Variants in DLG2 observed in about 807,000 individuals in gnomAD.
DLG2 encodes discs large MAGUK scaffold protein 2, also known as disks large homolog 2.
DLG2 carries 45 observed loss-of-function variants against 132.5 expected under a neutral mutation model. The observed-to-expected ratio is 0.34, with a 90% CI of 0.27 to 0.44. The LOEUF is 0.44. DLG2 is among the 20% of genes least tolerant of loss of function. The pLI is 1.00. For missense variants in DLG2, 1,045 were observed against 1,196.9 expected, an observed-to-expected ratio of 0.87 and a Z score of 1.87; for synonymous variants, 424 against 419.6, an observed-to-expected ratio of 1.01 and a Z score of -0.13.
intron 6 of DLG2, among the ~76,000 whole-genome samples, chr11:84,601,305 T>C (rs1249845679): frequency 6.6e-6 from 1 of 152,074 alleles, no homozygotes; most frequent in African/African-American, 2.4e-5. Context: ...TTTCCAATAA[T>C]AAAGATAGGC....
At chr11:83,992,158 T>C (rs542950527) in intron 11 of DLG2, among the ~76,000 whole-genome samples, 38 of 152,326 alleles carry the variant, frequency 2.5e-4, no homozygotes, top group African/African-American at 8.4e-4. Flanking sequence ...TTTCTTCCTC[T>C]ATTTAACTCA....
Position 84,802,238 on chromosome 11 carries a change from G to T in DLG2, c.358-267507C>A, listed in dbSNP as rs532344273. Among the ~76,000 whole-genome samples the T allele has an allele frequency of 1.4e-4, 22 of 151,938 alleles. No homozygotes were observed. In the East Asian group the frequency reaches 3.5e-3, roughly 24 times the overall value. ...TCTCTGTGTCCATAGGGTCCTCAAA[G>T]AAAATAATAGGAAATTATGGATAGG... is the stretch of plus-strand genomic sequence containing the variant. On this transcript the variant is annotated intron_variant, in intron 6 of 27. Coordinates refer to ENST00000376104, the MANE Select transcript of DLG2 (RefSeq NM_001142699.3).
chr11:84,981,686 TA>T (rs934782997), intron 6 of DLG2, among the ~76,000 whole-genome samples: 2 of 151,854 alleles, frequency 1.3e-5, no homozygotes, highest in Non-Finnish European at 1.5e-5. Context: ...CCTTTCTACC[TA>T]AAAAAAATAA....
chr11:85,117,198 G>A (rs1394979686), intron 5 of DLG2, among the ~76,000 whole-genome samples: 3 of 151,982 alleles, frequency 2.0e-5, no homozygotes, highest in Admixed American at 6.6e-5. Context: ...CTAAGGAAAT[G>A]CCTCATCCAC....
chr11:84,800,921 C>T (rs2075291753), intron 6 of DLG2, among the ~76,000 whole-genome samples: 1 of 151,938 alleles, frequency 6.6e-6, no homozygotes, highest in South Asian at 2.1e-4. Context: ...CCATGATTTC[C>T]CAGGAATATT....
chr11:85,604,161 G>A (rs1237201657), intron 2 of DLG2, among the ~76,000 whole-genome samples: 2 of 152,116 alleles, frequency 1.3e-5, no homozygotes, highest in African/African-American at 2.4e-5. Flanking sequence ...ATCGCTGTAG[G>A]ATAAAAATTT....
intron 3 of DLG2, among the ~76,000 whole-genome samples, chr11:85,433,371 C>A (rs1381757322): frequency 6.6e-6 from 1 of 152,082 alleles, no homozygotes; most frequent in Non-Finnish European, 1.5e-5. Flanking sequence ...CACAGACTGG[C>A]AAATTGGATA....
At chr11:84,079,408 C>T (rs1352254835) in intron 10 of DLG2, among the ~76,000 whole-genome samples, 1 of 152,054 alleles carries the variant, frequency 6.6e-6, no homozygotes, top group African/African-American at 2.4e-5. Context: ...TTCAGCCTCC[C>T]AAGTAGCTGG....
intron 11 of DLG2, among the ~76,000 whole-genome samples, chr11:84,010,891 C>G (rs550505510): frequency 6.6e-6 from 1 of 152,212 alleles, no homozygotes; most frequent in South Asian, 2.1e-4. Flanking sequence ...GTATACAACT[C>G]TTGCATTATC....
chr11:83,506,701 T>A (rs947306582), intron 21 of DLG2, among the ~76,000 whole-genome samples: 2 of 152,164 alleles, frequency 1.3e-5, no homozygotes, highest in African/African-American at 4.8e-5. Context: ...GGAAGCTGTT[T>A]CTTCTGGCAA....
chr11:83,503,937 T>A (rs576239405), intron 21 of DLG2, among the ~76,000 whole-genome samples: 1 of 152,136 alleles, frequency 6.6e-6, no homozygotes, highest in Non-Finnish European at 1.5e-5. Context: ...AGGTCATAAT[T>A]ACACCTAACA....
intron 21 of DLG2, among the ~76,000 whole-genome samples, chr11:83,488,129 T>C (rs1297039783): frequency 6.6e-6 from 1 of 152,046 alleles, no homozygotes; most frequent in Non-Finnish European, 1.5e-5. Context: ...CCCAATCTCA[T>C]AGTATGGACT....
In DLG2 at chr11:85,583,130, GTATATATA is replaced by G. The variant is rs3068386; in HGVS notation, c.40+15519_40+15526del. Among the ~76,000 whole-genome samples, 152 of 13,588 alleles carry G rather than the reference GTATATATA, an allele frequency of 0.011. 2 individuals carry two copies. In the Middle Eastern group the frequency reaches 0.25, roughly 22 times the overall value. The allele number at this position is 13,588 out of a possible 152,430, so 8.9% of individuals were successfully genotyped here. On this transcript the variant is annotated intron_variant, in intron 3 of 27. Coordinates refer to ENST00000376104, the MANE Select transcript of DLG2 (RefSeq NM_001142699.3). Reference sequence around the variant, plus strand: ...TGTGTGTGTGTGTGTGTGTGTGTGTGTATATATATATATATATATATATATATATATAT... The same window carrying G: ...TGTGTGTGTGTGTGTGTGTGTGTGTGTATATATATATATATATATATATAT...
intron 3 of DLG2, among the ~76,000 whole-genome samples, chr11:85,361,512 G>T (rs1048914538): frequency 2.0e-5 from 3 of 152,094 alleles, no homozygotes; most frequent in East Asian, 3.9e-4. Context: ...GCATGTCCAT[G>T]TGTACGCATT....
At chr11:84,776,530 C>G (rs538769549) in intron 6 of DLG2, among the ~76,000 whole-genome samples, 1 of 152,234 alleles carries the variant, frequency 6.6e-6, no homozygotes, top group South Asian at 2.1e-4. Flanking sequence ...TACCTCATCC[C>G]AAAAGTTCTT....
At chr11:85,604,677 G>C (rs2080402117) in intron 2 of DLG2, among the ~76,000 whole-genome samples, 1 of 152,028 alleles carries the variant, frequency 6.6e-6, no homozygotes. Context: ...GCAGGCACAG[G>C]AGGAAATGGG....
At chr11:84,097,320 T>C (rs559312762) in intron 10 of DLG2, among the ~76,000 whole-genome samples, 2 of 152,300 alleles carry the variant, frequency 1.3e-5, no homozygotes, top group South Asian at 4.1e-4. Context: ...TCCCTTGGTA[T>C]CCGATCAAAT....
chr11:83,941,889 T>C (rs1425746511), intron 14 of DLG2, among the ~76,000 whole-genome samples: 2 of 152,220 alleles, frequency 1.3e-5, no homozygotes, highest in East Asian at 1.9e-4. Context: ...AAATTTCACA[T>C]TGGATATTAG....
At chr11:83,590,748 AC>A (rs2097173990) in intron 19 of DLG2, among the ~76,000 whole-genome samples, 4 of 152,322 alleles carry the variant, frequency 2.6e-5, no homozygotes, top group Admixed American at 2.6e-4. Flanking sequence ...CGCTAGCAAG[AC>A]TAATAAAGAA....
Sources: allele counts gnomAD v4.1 joint callset (sites outside exome capture counted in the v4.1 genomes callset), GRCh38; gene constraint gnomAD v4.1.1; transcripts MANE v1.5; gene names NCBI Gene and HGNC (gene_info 2026-07-23, HGNC 2026-07-21).